The following TTC23L variants were observed in gnomAD, a reference collection of about 807,000 sequenced individuals.
TTC23L encodes the protein tetratricopeptide repeat domain 23 like.
Under a neutral mutation model 48.1 loss-of-function variants are expected in TTC23L, and 42 were observed. The ratio of observed to expected loss-of-function variants is 0.87; its 90% CI spans 0.68 to 1.13. TTC23L has a LOEUF of 1.13. Among genes scored for constraint, TTC23L ranks in the 50% most tolerant of loss-of-function variants. The pLI, the probability that TTC23L is intolerant of heterozygous loss-of-function variation, is 0.00. For synonymous variants in TTC23L, 159 were observed against 157.2 expected, an observed-to-expected ratio of 1.01 and a Z score of -0.09; for missense variants, 391 against 421.0, an observed-to-expected ratio of 0.93 and a Z score of 0.62.
rs1760297601 is a variant in TTC23L, at chr5:34,858,377, C to T, written c.380-4521C>T. Among the ~76,000 whole-genome samples, 3 of 152,200 alleles carry T rather than the reference C, an allele frequency of 2.0e-5. No individual in the cohort carries two copies. In the South Asian group the frequency reaches 6.2e-4, roughly 32 times the overall value. On this transcript the variant is annotated intron_variant, in intron 4 of 10. Transcript: ENST00000505624. ...TTCAAAGTGTTGCTGATACTGAATT[C>T]ATAGTACTTTTGTCATTATGAATTT...
At chr5:34,901,515 C>A (rs1388276186), downstream of TTC23L, among the ~76,000 whole-genome samples, 1 of 152,176 alleles carries the variant, frequency 6.6e-6, no homozygotes, top group Non-Finnish European at 1.5e-5. Flanking sequence ...GTAATCCCAG[C>A]ACTTTGGGAG....
chr5:34,866,899 T>C, exon 7 of TTC23L: 1 of 1,595,602 alleles, frequency 6.3e-7, no homozygotes, highest in Non-Finnish European at 8.6e-7. Flanking sequence ...CAGAGCCTCC[T>C]TGGCCATCCA....
chr5:34,899,105 C>T (rs1425428657), intron 10 of TTC23L, among the ~76,000 whole-genome samples: 1 of 152,164 alleles, frequency 6.6e-6, no homozygotes, highest in East Asian at 1.9e-4. Context: ...ATCCAGGTGG[C>T]TCAAATATCC....
chr5:34,858,003 T>C (rs1760264610), intron 4 of TTC23L, among the ~76,000 whole-genome samples: 1 of 152,118 alleles, frequency 6.6e-6, no homozygotes, highest in African/African-American at 2.4e-5. Context: ...CTGGCCTGAG[T>C]CAGTGTAGCA....
At chr5:34,867,270 C>T (rs1014476839) in intron 7 of TTC23L, 13 of 614,556 alleles carry the variant, frequency 2.1e-5, no homozygotes, top group African/African-American at 3.7e-5. Flanking sequence ...CTCAGGTGGG[C>T]GAATGTGCTG....
chr5:34,871,283 G>A (rs903143582), intron 8 of TTC23L, among the ~76,000 whole-genome samples: 2 of 151,430 alleles, frequency 1.3e-5, no homozygotes, highest in African/African-American at 4.9e-5. Context: ...ATGAACAACT[G>A]GAAACAAAAA....
chr5:34,883,550 G>C (rs1762373385), intron 9 of TTC23L: 1 of 156,600 alleles, frequency 6.4e-6, no homozygotes. Context: ...AAGGAAAAGA[G>C]AGAAGACTAA....
chr5:34,869,181 A>G (rs1040604854), intron 8 of TTC23L, 168 bp downstream of exon 8: 2 of 554,028 alleles, frequency 3.6e-6, no homozygotes, highest in South Asian at 2.1e-5. Context: ...ACCTGATAAT[A>G]TACCCCCACA....
the TTC23L span, among the ~76,000 whole-genome samples, chr5:34,923,882 T>C: frequency 6.6e-6 from 1 of 152,204 alleles, no homozygotes; most frequent in Non-Finnish European, 1.5e-5. Context: ...TGTTAGTTGA[T>C]ACAGAGTATG....
At chr5:34,848,916 A>G (rs1759443936) in intron 3 of TTC23L, among the ~76,000 whole-genome samples, 1 of 152,266 alleles carries the variant, frequency 6.6e-6, no homozygotes, top group South Asian at 2.1e-4. Flanking sequence ...CAGGAAAGTC[A>G]TGATCTAATT....
chr5:34,879,500 A>G (rs553311399), intron 8 of TTC23L, among the ~76,000 whole-genome samples: 65 of 152,300 alleles, frequency 4.3e-4, no homozygotes, highest in Admixed American at 1.8e-3. Context: ...GCACCCCCCA[A>G]ACAGGAACCT....
chr5:34,870,591 C>T (rs754859507), intron 8 of TTC23L, among the ~76,000 whole-genome samples: 2 of 152,116 alleles, frequency 1.3e-5, no homozygotes, highest in Non-Finnish European at 2.9e-5. Flanking sequence ...GGAGAAAACA[C>T]TTTCTATGAG....
intron 9 of TTC23L, among the ~76,000 whole-genome samples, chr5:34,889,902 G>A (rs537945692): frequency 3.3e-4 from 50 of 151,670 alleles, no homozygotes; most frequent in Non-Finnish European, 6.0e-4. Flanking sequence ...GCAGTGGCGC[G>A]ATCTTGGCTC....
chr5:34,895,447 AT>A (rs1763156705), intron 9 of TTC23L, among the ~76,000 whole-genome samples: 1 of 152,218 alleles, frequency 6.6e-6, no homozygotes, highest in Non-Finnish European at 1.5e-5. Flanking sequence ...TACTGGATGT[AT>A]GAAAGCATGA....
chr5:34,894,718 G>C (rs1763090703), intron 9 of TTC23L, among the ~76,000 whole-genome samples: 1 of 152,154 alleles, frequency 6.6e-6, no homozygotes, highest in Non-Finnish European at 1.5e-5. Context: ...TGAGATCTTG[G>C]ACAAATCGCT....
chr5:34,922,038 A>G, the TTC23L span: 4 of 376,358 alleles, frequency 1.1e-5, no homozygotes, highest in Non-Finnish European at 1.4e-5. Flanking sequence ...TACCTTGGGT[A>G]GAATACCTAA....
At chr5:34,878,239 T>A (rs1450672842) in intron 8 of TTC23L, among the ~76,000 whole-genome samples, 3 of 152,112 alleles carry the variant, frequency 2.0e-5, no homozygotes, top group African/African-American at 7.2e-5. Context: ...TGTGGTGTGT[T>A]CCTGTAGTCC....
At chr5:34,882,450 C>T (rs1379774043) in intron 9 of TTC23L, among the ~76,000 whole-genome samples, 1 of 152,206 alleles carries the variant, frequency 6.6e-6, no homozygotes, top group African/African-American at 2.4e-5. Context: ...CTAACTGGCA[C>T]ATAGAAGATG....
chr5:34,867,812 A>G (rs1474680955), intron 7 of TTC23L: 1 of 152,286 alleles, frequency 6.6e-6, no homozygotes, highest in Non-Finnish European at 1.5e-5. Flanking sequence ...ATTGCAAACA[A>G]TCTGACAGTC....
Sources: allele counts gnomAD v4.1 joint callset (sites outside exome capture counted in the v4.1 genomes callset), GRCh38; gene constraint gnomAD v4.1.1; transcripts MANE v1.5; gene names NCBI Gene and HGNC (gene_info 2026-07-23, HGNC 2026-07-21).